The following GALNT13 variants were observed in gnomAD, a reference collection of about 807,000 sequenced individuals.
GALNT13 encodes polypeptide N-acetylgalactosaminyltransferase 13.
GALNT13 carries 28 observed loss-of-function variants against 64.2 expected under a neutral mutation model. That is an observed-to-expected ratio of 0.44 (90% CI 0.32 to 0.60). The LOEUF (loss-of-function observed/expected upper bound fraction) is 0.60, where lower values mean the gene tolerates loss of function less well. GALNT13 is among the 20% of genes least tolerant of loss of function. The pLI, the probability that GALNT13 is intolerant of heterozygous loss-of-function variation, is 0.05. For missense variants in GALNT13, 577 were observed against 669.8 expected (o/e 0.86, Z 1.53); for synonymous variants, 214 against 224.6 (o/e 0.95, Z 0.42).
intron 4 of GALNT13, among the ~76,000 whole-genome samples, chr2:154,154,934 TTGTG>T (rs60456139): frequency 0.011 from 1,626 of 149,250 alleles, 12 homozygotes; most frequent in African/African-American, 0.02. Context: ...TTGTTTATGT[TTGTG>T]TGTGTGTGTG....
At chr2:154,319,603 C>T (rs575489636) in intron 9 of GALNT13, among the ~76,000 whole-genome samples, 13 of 149,580 alleles carry the variant, frequency 8.7e-5, no homozygotes, top group African/African-American at 2.2e-4. Flanking sequence ...AGGCAGAAGT[C>T]GCAGTGAGCC....
chr2:154,064,067 T>C (rs1020155609), intron 3 of GALNT13, among the ~76,000 whole-genome samples: 2 of 152,178 alleles, frequency 1.3e-5, no homozygotes, highest in Admixed American at 1.3e-4. Flanking sequence ...ATCTGTGTGC[T>C]TGCAGGATGG....
chr2:153,438,950 T>C, the GALNT13 span, among the ~76,000 whole-genome samples: 8 of 152,160 alleles, frequency 5.3e-5, no homozygotes, highest in African/African-American at 1.7e-4. Flanking sequence ...TCTTTGTGGT[T>C]TTATCTACCT....
At chr2:153,421,807 G>T in the GALNT13 span, 2 of 185,322 alleles carry the variant, frequency 1.1e-5, no homozygotes, top group African/African-American at 2.3e-5. Flanking sequence ...TCACTGAAGA[G>T]GCGTAGAATC....
At chr2:153,100,599 A>T in the GALNT13 span, among the ~76,000 whole-genome samples, 8 of 152,176 alleles carry the variant, frequency 5.3e-5, no homozygotes, top group African/African-American at 1.7e-4. Flanking sequence ...CATGGGAAAT[A>T]AGAGTCTCTT....
At chr2:154,238,933 T>A (rs1485929373) in intron 4 of GALNT13, among the ~76,000 whole-genome samples, 1 of 152,024 alleles carries the variant, frequency 6.6e-6, no homozygotes, top group Non-Finnish European at 1.5e-5. Flanking sequence ...GTGCATTAGA[T>A]CTCCAGAAGT....
chr2:153,631,177 A>G, the GALNT13 span, among the ~76,000 whole-genome samples: 1 of 152,110 alleles, frequency 6.6e-6, no homozygotes, highest in African/African-American at 2.4e-5. Context: ...TCCATGGCAT[A>G]TATGTGCCAC....
At chr2:153,877,042 G>A (rs1686430478) in intron 1 of GALNT13, among the ~76,000 whole-genome samples, 1 of 151,986 alleles carries the variant, frequency 6.6e-6, no homozygotes, top group Admixed American at 6.5e-5. Context: ...ATTGTTCCAG[G>A]TTAATGGTTA....
the GALNT13 span, among the ~76,000 whole-genome samples, chr2:153,294,046 T>C: frequency 2.0e-5 from 3 of 152,120 alleles, no homozygotes; most frequent in Non-Finnish European, 4.4e-5. Flanking sequence ...TGTCTTGAAC[T>C]TTTGGGCTTA....
upstream of GALNT13, among the ~76,000 whole-genome samples, chr2:153,869,716 A>C (rs1685816954): frequency 6.6e-6 from 1 of 152,158 alleles, no homozygotes; most frequent in South Asian, 2.1e-4. Flanking sequence ...TTTGTAATTA[A>C]GGATCTATAG....
the GALNT13 span, among the ~76,000 whole-genome samples, chr2:153,698,612 A>G: frequency 6.6e-6 from 1 of 152,162 alleles, no homozygotes; most frequent in Admixed American, 6.5e-5. Context: ...CAGACCTACA[A>G]AGAGACTTAG....
At chr2:153,934,914 C>T (rs1393178022) in intron 2 of GALNT13, among the ~76,000 whole-genome samples, 1 of 152,166 alleles carries the variant, frequency 6.6e-6, no homozygotes, top group Non-Finnish European at 1.5e-5. Flanking sequence ...GAGTGTCTCT[C>T]AATGATATCC....
the GALNT13 span, among the ~76,000 whole-genome samples, chr2:153,846,904 C>A: frequency 6.6e-6 from 1 of 151,978 alleles, no homozygotes; most frequent in Non-Finnish European, 1.5e-5. Context: ...ATCAGATAAC[C>A]TGAAGAGGTG....
At chr2:153,559,056 G>A in the GALNT13 span, among the ~76,000 whole-genome samples, 1 of 152,108 alleles carries the variant, frequency 6.6e-6, no homozygotes, top group African/African-American at 2.4e-5. Flanking sequence ...CTTGTTTTTT[G>A]AGAGTATATT....
chr2:153,849,281 A>C, the GALNT13 span, among the ~76,000 whole-genome samples: 1 of 152,320 alleles, frequency 6.6e-6, no homozygotes, highest in Non-Finnish European at 1.5e-5. Flanking sequence ...AAACTGAAAG[A>C]TAAAATCCTA....
intron 3 of GALNT13, among the ~76,000 whole-genome samples, chr2:154,087,374 C>T (rs1189586124): frequency 6.6e-6 from 1 of 151,970 alleles, no homozygotes; most frequent in Admixed American, 6.6e-5. Context: ...TTGTAGAATT[C>T]ATAGCACTTA....
intron 3 of GALNT13, among the ~76,000 whole-genome samples, chr2:154,024,274 A>G (rs1697765402): frequency 6.6e-6 from 1 of 152,068 alleles, no homozygotes; most frequent in South Asian, 2.1e-4. Context: ...CTCCTGGATA[A>G]TATCCTGCAG....
intron 8 of GALNT13, among the ~76,000 whole-genome samples, chr2:154,264,527 C>T (rs1690878011): frequency 6.6e-6 from 1 of 150,434 alleles, no homozygotes. Context: ...ATCCCAGCAA[C>T]TCGAGAGGCT....
chr2:153,878,734 C>T (rs906951264), intron 1 of GALNT13, among the ~76,000 whole-genome samples: 3 of 152,144 alleles, frequency 2.0e-5, no homozygotes, highest in Non-Finnish European at 4.4e-5. Flanking sequence ...TTGTACGGGT[C>T]AGTTTGCTCC....
Sources: allele counts gnomAD v4.1 joint callset (sites outside exome capture counted in the v4.1 genomes callset), GRCh38; gene constraint gnomAD v4.1.1; transcripts MANE v1.5; gene names NCBI Gene and HGNC (gene_info 2026-07-23, HGNC 2026-07-21).